Variants in TMEM132C observed in about 807,000 individuals in gnomAD.
TMEM132C encodes the protein transmembrane protein 132C, also known as protein phosphatase 1, regulatory subunit 152.
In TMEM132C, 29 loss-of-function variants were observed where a neutral mutation model predicts 61.4. That is an observed-to-expected ratio of 0.47 (90% CI 0.35 to 0.64). TMEM132C has a LOEUF of 0.64. TMEM132C is among the 30% of genes least tolerant of loss of function. The pLI, the probability that TMEM132C is intolerant of heterozygous loss-of-function variation, is 0.00. For missense variants in TMEM132C, 1,408 were observed against 1,476.9 expected, an observed-to-expected ratio of 0.95 and a Z score of 0.76; for synonymous variants, 656 against 633.1, an observed-to-expected ratio of 1.04 and a Z score of -0.54.
intron 4 of TMEM132C, among the ~76,000 whole-genome samples, chr12:128,632,424 A>G (rs1305669954): frequency 5.9e-5 from 9 of 152,246 alleles, no homozygotes; most frequent in Non-Finnish European, 1.3e-4. Context: ...TTTACTACAA[A>G]GGAGCTAGTT....
chr12:128,514,337 C>T (rs1872656027), intron 2 of TMEM132C, among the ~76,000 whole-genome samples: 2 of 152,240 alleles, frequency 1.3e-5, no homozygotes, highest in African/African-American at 4.8e-5. Context: ...ATACGGTCTC[C>T]TTCAGTCTTC....
chr12:128,697,516 A>C, intron 8 of TMEM132C, 101 bp downstream of exon 8: 1 of 1,246,930 alleles, frequency 8.0e-7, no homozygotes, highest in Non-Finnish European at 1.1e-6. Context: ...GCAGGTTAGC[A>C]GAACCATGTT....
At chr12:128,344,998 T>A (rs1212588156) in intron 1 of TMEM132C, among the ~76,000 whole-genome samples, 1 of 150,462 alleles carries the variant, frequency 6.6e-6, no homozygotes, top group African/African-American at 2.4e-5. Context: ...GCACAGAACA[T>A]CCCATCACCC....
At chr12:128,436,799 T>A (rs989540742) in intron 2 of TMEM132C, among the ~76,000 whole-genome samples, 22 of 152,234 alleles carry the variant, frequency 1.4e-4, no homozygotes, top group Non-Finnish European at 2.1e-4. Context: ...TTACTGGGTA[T>A]ATACCCAAAG....
Position 128,326,944 on chromosome 12 carries a change from T to C in TMEM132C, c.85+59457T>C, listed in dbSNP as rs1399623781. The stretch of plus-strand genomic sequence containing the variant: ...GATTAGCCGTGTCGTAGGGGGAAAA[T>C]GTTAGAACGACTATTTAAGTAAAAT... On this transcript the variant is annotated intron_variant, in intron 1 of 8. Coordinates refer to ENST00000435159, the MANE Select transcript of TMEM132C (RefSeq NM_001136103.3). This position sits in a 1 kb window ranked among gnomAD's most constrained non-coding sequence, Gnocchi z 5.6. Among the ~76,000 whole-genome samples the C allele has an allele frequency of 6.7e-6, 1 of 149,976 alleles. No homozygotes were observed. Among genetic ancestry groups the C allele is most frequent in the Non-Finnish European group, 1.5e-5 (1 of 68,032 alleles).
chr12:128,660,220 CT>C (rs1954373026), intron 4 of TMEM132C, among the ~76,000 whole-genome samples: 1 of 152,348 alleles, frequency 6.6e-6, no homozygotes, highest in Admixed American at 6.5e-5. Context: ...GATGGTGTCA[CT>C]GTCCAGCTGT....
chr12:128,646,041 A>G (rs1954194866), intron 4 of TMEM132C, among the ~76,000 whole-genome samples: 1 of 147,794 alleles, frequency 6.8e-6, no homozygotes, highest in African/African-American at 2.5e-5. Flanking sequence ...TCAGCATTGG[A>G]TATGAGTGTT....
Position 128,414,616 on chromosome 12 carries a change from G to A in TMEM132C, c.86-116G>A, listed in dbSNP as rs1048695100. The A allele has an allele frequency of 2.0e-5, 23 of 1,142,124 alleles. No homozygotes were observed. In the African/African-American group the frequency reaches 3.1e-4, roughly 16 times the overall value. The allele number at this position is 1,142,124 out of a possible 1,614,324, so 70.7% of individuals were successfully genotyped here. A position where few individuals can be genotyped will look rare whatever the true frequency, so the allele number is the denominator to read the frequency against. On this transcript the variant is annotated intron_variant, in intron 1 of 8. Coordinates refer to ENST00000435159, the MANE Select transcript of TMEM132C (RefSeq NM_001136103.3). The stretch of plus-strand genomic sequence containing the variant: ...AAGAATATAAAAATTCTAGCCAAGT[G>A]GGCTTCAGAATTTCTATCCCTCATT...
intron 4 of TMEM132C, among the ~76,000 whole-genome samples, chr12:128,665,949 GCACA>G (rs904729277): frequency 2.0e-5 from 2 of 98,758 alleles, no homozygotes; most frequent in African/African-American, 8.2e-5. Flanking sequence ...ACAAACACAG[GCACA>G]CACACACACA....
intron 1 of TMEM132C, among the ~76,000 whole-genome samples, chr12:128,353,287 T>C (rs1713634): frequency 0.95 from 145,420 of 152,274 alleles, 69,465 homozygotes; most frequent in East Asian, 1. Flanking sequence ...CACCTGCTTC[T>C]CCCTGTCTGG....
intron 3 of TMEM132C, among the ~76,000 whole-genome samples, chr12:128,613,374 A>G (rs1034198010): frequency 1.3e-5 from 2 of 152,220 alleles, no homozygotes; most frequent in African/African-American, 4.8e-5. Context: ...GAGTCAACAT[A>G]AAATGTAGCA....
At chr12:128,443,286 G>A (rs927595539) in intron 2 of TMEM132C, among the ~76,000 whole-genome samples, 1 of 152,048 alleles carries the variant, frequency 6.6e-6, no homozygotes, top group Non-Finnish European at 1.5e-5. Flanking sequence ...CTGGGAGGTA[G>A]GTGAGGGACA....
chr12:128,692,858 C>G (rs539257244), intron 5 of TMEM132C, among the ~76,000 whole-genome samples: 1 of 152,154 alleles, frequency 6.6e-6, no homozygotes, highest in African/African-American at 2.4e-5. Flanking sequence ...TTTTTTTAGT[C>G]TGTGTGTTTA....
At chr12:128,357,327 A>G (rs1873539573) in intron 1 of TMEM132C, among the ~76,000 whole-genome samples, 3 of 152,100 alleles carry the variant, frequency 2.0e-5, no homozygotes, top group Admixed American at 1.3e-4. Context: ...AGGGCGCCCC[A>G]GGAGACCCCC....
chr12:128,516,170 A>C (rs73424405), intron 2 of TMEM132C, among the ~76,000 whole-genome samples: 1 of 152,190 alleles, frequency 6.6e-6, no homozygotes, highest in African/African-American at 2.4e-5. Context: ...TAAAATAAAC[A>C]CTAAGTACCC....
chr12:128,486,133 C>T (rs1324290180), intron 2 of TMEM132C, among the ~76,000 whole-genome samples: 1 of 152,178 alleles, frequency 6.6e-6, no homozygotes, highest in Non-Finnish European at 1.5e-5. Context: ...GCGACACCTT[C>T]TGGACCTAGA....
chr12:128,402,808 C>A (rs895308507), intron 1 of TMEM132C, among the ~76,000 whole-genome samples: 1 of 152,200 alleles, frequency 6.6e-6, no homozygotes, highest in Non-Finnish European at 1.5e-5. Flanking sequence ...GTAAATATTT[C>A]CCTCTGTGCC....
chr12:128,300,840 C>A (rs1242560092), intron 1 of TMEM132C, among the ~76,000 whole-genome samples: 4 of 152,128 alleles, frequency 2.6e-5, no homozygotes, highest in East Asian at 1.9e-4. Flanking sequence ...AGCCTCAACA[C>A]CAGCCTGGGC....
chr12:128,347,800 A>G (rs1873219074), intron 1 of TMEM132C, among the ~76,000 whole-genome samples: 1 of 152,210 alleles, frequency 6.6e-6, no homozygotes, highest in Non-Finnish European at 1.5e-5. Flanking sequence ...GCTGGATTGA[A>G]TGGTAGTTCT....
Sources: allele counts gnomAD v4.1 joint callset (sites outside exome capture counted in the v4.1 genomes callset), GRCh38; gene constraint gnomAD v4.1.1; non-coding constraint Gnocchi (gnomAD v3.1); transcripts MANE v1.5; gene names NCBI Gene and HGNC (gene_info 2026-07-23, HGNC 2026-07-21).